RAPGEF1: variants seen among roughly 807,000 people sequenced by gnomAD.
RAPGEF1 encodes Rap guanine nucleotide exchange factor 1, also known as CRK SH3-binding GNRP.
In RAPGEF1, 33 loss-of-function variants were observed where a neutral mutation model predicts 143.3. The ratio of observed to expected loss-of-function variants is 0.23; its 90% CI spans 0.17 to 0.31. The LOEUF (loss-of-function observed/expected upper bound fraction) is 0.31. RAPGEF1 is among the 10% of genes least tolerant of loss of function. RAPGEF1 has a pLI of 1.00. For missense variants in RAPGEF1, 1,199 were observed against 1,645.4 expected (o/e 0.73, Z 4.69); for synonymous variants, 629 against 676.5 (o/e 0.93, Z 1.09).
At chr9:131,704,242 C>G (rs372361457) in intron 1 of RAPGEF1, among the ~76,000 whole-genome samples, 248 of 150,534 alleles carry the variant, frequency 1.6e-3, no homozygotes, top group African/African-American at 5.7e-3. Context: ...AGCTGGCACA[C>G]GGGCATCCAG....
intron 1 of RAPGEF1, among the ~76,000 whole-genome samples, chr9:131,663,580 A>G (rs1474351410): frequency 1.3e-5 from 2 of 151,782 alleles, no homozygotes; most frequent in South Asian, 4.2e-4. Context: ...TTGGACGTTG[A>G]CATATTTTGA....
At chr9:131,590,116 G>C (rs368498699) in intron 18 of RAPGEF1, 138 bp from the exon 19 acceptor site, 5 of 749,340 alleles carry the variant, frequency 6.7e-6, no homozygotes, top group South Asian at 1.5e-5. Flanking sequence ...CCAGAAACGA[G>C]GGCACGGGAC....
chr9:131,589,853 T>C, intron 19 of RAPGEF1, 33 bp downstream of exon 19: 3 of 1,586,558 alleles, frequency 1.9e-6, no homozygotes, highest in Non-Finnish European at 2.6e-6. Context: ...GCCTCCCCAC[T>C]GGCCCCCAGG....
At chr9:131,677,452 T>C (rs1019974125) in intron 1 of RAPGEF1, among the ~76,000 whole-genome samples, 6 of 151,954 alleles carry the variant, frequency 3.9e-5, no homozygotes, top group African/African-American at 1.2e-4. Flanking sequence ...TAGAAAAGAG[T>C]AACACAGACA....
intron 1 of RAPGEF1, among the ~76,000 whole-genome samples, chr9:131,654,443 G>A (rs1275676360): frequency 1.3e-5 from 2 of 152,314 alleles, no homozygotes; most frequent in East Asian, 3.9e-4. Context: ...GGGCGCAGTG[G>A]TTCATGCCTG....
At chr9:131,731,588 A>G (rs1302087967) in intron 1 of RAPGEF1, among the ~76,000 whole-genome samples, 1 of 152,100 alleles carries the variant, frequency 6.6e-6, no homozygotes, top group Non-Finnish European at 1.5e-5. Flanking sequence ...TCCGTTTTTA[A>G]CAATACAGTG....
At chr9:131,688,491 A>G (rs565341232) in intron 1 of RAPGEF1, among the ~76,000 whole-genome samples, 1 of 152,376 alleles carries the variant, frequency 6.6e-6, no homozygotes, top group Admixed American at 6.5e-5. Context: ...ACAAGGGCCT[A>G]CATTTCTGGC....
intron 1 of RAPGEF1, among the ~76,000 whole-genome samples, chr9:131,727,980 A>G (rs556485375): frequency 9.2e-5 from 14 of 152,322 alleles, no homozygotes; most frequent in Admixed American, 7.2e-4. Flanking sequence ...TCCAGGACCA[A>G]ATGATTACAG....
At chr9:131,588,133 G>T in intron 20 of RAPGEF1, 107 bp from the exon 21 acceptor site, 1 of 970,574 alleles carries the variant, frequency 1.0e-6, no homozygotes, top group Non-Finnish European at 1.6e-6. Flanking sequence ...TCTCTGCCCA[G>T]CAGGAGCGTG....
In RAPGEF1 at chr9:131,650,251, G is replaced by A; in HGVS notation, c.202-9C>T. The A allele has an allele frequency of 3.8e-6, 6 of 1,595,122 alleles. No individual in the cohort carries two copies. Among genetic ancestry groups the A allele is most frequent in the Non-Finnish European group, 5.2e-6 (6 of 1,164,354 alleles). ...AATCTGTCTGTTGCCTCCTGGAAGA[G>A]AGGAAACCTGGATTCCTACAGAGTT... On this transcript the variant is annotated splice_polypyrimidine_tract_variant and intron_variant, in intron 2 of 26. Transcript: ENST00000683357. This position sits in a 1 kb window ranked among gnomAD's most constrained non-coding sequence, Gnocchi z 4.7.
At chr9:131,731,850 C>CTG (rs1235603237) in intron 1 of RAPGEF1, among the ~76,000 whole-genome samples, 2 of 152,188 alleles carry the variant, frequency 1.3e-5, no homozygotes, top group Non-Finnish European at 2.9e-5. Flanking sequence ...TGCTAAGGGA[C>CTG]TGTGGGGACA....
intron 1 of RAPGEF1, among the ~76,000 whole-genome samples, chr9:131,703,089 C>T (rs926600424): frequency 1.3e-5 from 2 of 152,174 alleles, no homozygotes; most frequent in Admixed American, 6.5e-5. Flanking sequence ...GGGAGGATCA[C>T]CTGAGCCCAG....
At chr9:131,593,593 A>G (rs979782528) in intron 17 of RAPGEF1, among the ~76,000 whole-genome samples, 1 of 152,090 alleles carries the variant, frequency 6.6e-6, no homozygotes, top group African/African-American at 2.4e-5. Flanking sequence ...TCTCCAGCTG[A>G]GTCATGCTGG....
intron 12 of RAPGEF1, among the ~76,000 whole-genome samples, chr9:131,616,312 AAATT>A (rs1959001990): frequency 6.6e-6 from 1 of 152,034 alleles, no homozygotes; most frequent in South Asian, 2.1e-4. Flanking sequence ...CTCAGACCCA[AAATT>A]AATTAATATG....
chr9:131,602,053 C>T lies in RAPGEF1; in HGVS notation c.2501+8G>A. 1 of 1,589,154 alleles carries T rather than the reference C, an allele frequency of 6.3e-7. No individual in the cohort carries two copies. Among genetic ancestry groups the T allele is most frequent in the Non-Finnish European group, 8.5e-7 (1 of 1,169,744 alleles). On this transcript the variant is annotated splice_region_variant and intron_variant, in intron 15 of 26. Transcript: ENST00000683357. ...GGGGGACCCAGCTCCTCTGGGTCCA[C>T]TTCCTACCTCTCACTGCCGTCTCTG... is the stretch of plus-strand genomic sequence containing the variant.
chr9:131,599,187 C>T (rs1241819214), intron 15 of RAPGEF1, among the ~76,000 whole-genome samples: 3 of 149,184 alleles, frequency 2.0e-5, no homozygotes, highest in South Asian at 2.1e-4. Context: ...TGCAGTGGTG[C>T]GATCTTGGCT....
At chr9:131,623,821 G>A (rs1315379903) in intron 10 of RAPGEF1, among the ~76,000 whole-genome samples, 2 of 152,260 alleles carry the variant, frequency 1.3e-5, no homozygotes, top group Admixed American at 6.5e-5. Flanking sequence ...AGGACACGTC[G>A]TGACATTGGG....
intron 22 of RAPGEF1, among the ~76,000 whole-genome samples, chr9:131,586,849 C>T (rs1953057266): frequency 1.7e-5 from 2 of 115,270 alleles, no homozygotes; most frequent in Admixed American, 1.6e-4. Flanking sequence ...CAAACACACA[C>T]ACACACACAC....
In RAPGEF1 at chr9:131,626,429, T is replaced by C. The variant is rs756051048; in HGVS notation, c.1202-7A>G. ...TAGTCGGGATCATAGTGGTCTGCAG[T>C]TACAACAGGGGAAAAAGAGACCCGT... On this transcript the variant is annotated splice_region_variant and splice_polypyrimidine_tract_variant and intron_variant, in intron 9 of 26. Coordinates refer to ENST00000683357, the MANE Select transcript of RAPGEF1 (RefSeq NM_001377935.1). The C allele has an allele frequency of 5.1e-6, 8 of 1,564,990 alleles. No individual in the cohort carries two copies. In the East Asian group the frequency reaches 1.8e-4, roughly 35 times the overall value.
Sources: allele counts gnomAD v4.1 joint callset (sites outside exome capture counted in the v4.1 genomes callset), GRCh38; gene constraint gnomAD v4.1.1; non-coding constraint Gnocchi (gnomAD v3.1); transcripts MANE v1.5; gene names NCBI Gene and HGNC (gene_info 2026-07-23, HGNC 2026-07-21).